The following UBAP2 variants were observed in gnomAD, a reference collection of about 807,000 sequenced individuals.
UBAP2 encodes ubiquitin associated protein 2.
UBAP2 carries 75 observed loss-of-function variants against 139.6 expected under a neutral mutation model. The observed-to-expected ratio is 0.54, with a 90% CI of 0.45 to 0.65. UBAP2 has a LOEUF of 0.65. Ranked by LOEUF, UBAP2 falls within the 30% of genes least tolerant of loss-of-function variation. The probability of loss-of-function intolerance (pLI) is 0.00; values close to 1 mark genes in which losing one functional copy is unlikely to be tolerated. For missense variants in UBAP2, 1,368 were observed against 1,369.6 expected (o/e 1.00, Z 0.02); for synonymous variants, 526 against 526.2 (o/e 1.00, Z 0.01).
intron 4 of UBAP2, among the ~76,000 whole-genome samples, chr9:33,994,210 A>G (rs1351873104): frequency 6.6e-6 from 1 of 152,092 alleles, no homozygotes; most frequent in Non-Finnish European, 1.5e-5. Flanking sequence ...ACTTTCTAAT[A>G]CATAGCCCAG....
chr9:33,930,496 T>C (rs1373380043), intron 19 of UBAP2, among the ~76,000 whole-genome samples: 2 of 151,626 alleles, frequency 1.3e-5, no homozygotes, highest in Non-Finnish European at 2.9e-5. Context: ...AGTTTCAACA[T>C]GGAAACATCA....
At chr9:33,942,730 A>G (rs1430608608) in intron 15 of UBAP2, among the ~76,000 whole-genome samples, 2 of 142,428 alleles carry the variant, frequency 1.4e-5, no homozygotes, top group African/African-American at 5.0e-5. Flanking sequence ...CCTATCTCAA[A>G]AAAAAAAAAA....
intron 7 of UBAP2, 104 bp from the exon 8 acceptor site, chr9:33,971,858 A>C (rs1587588853): frequency 5.0e-5 from 34 of 682,696 alleles, no homozygotes; most frequent in East Asian, 2.6e-5. Flanking sequence ...GTGCCTTCTC[A>C]CAGCCACTGT....
At chr9:33,926,560 G>A (rs780605148) in intron 22 of UBAP2, 57 bp downstream of exon 22, 2 of 1,593,360 alleles carry the variant, frequency 1.3e-6, no homozygotes, top group Non-Finnish European at 1.7e-6. Flanking sequence ...ACCATAAGAG[G>A]GGGGACATGT....
intron 1 of UBAP2, among the ~76,000 whole-genome samples, chr9:34,040,281 G>T (rs1196953200): frequency 7.8e-6 from 1 of 127,586 alleles, no homozygotes; most frequent in African/African-American, 3.0e-5. Flanking sequence ...CCGAGCCCAC[G>T]CCATTGCACT....
chr9:33,946,937 G>A (rs1825696341), intron 13 of UBAP2, among the ~76,000 whole-genome samples: 1 of 152,176 alleles, frequency 6.6e-6, no homozygotes, highest in South Asian at 2.1e-4. Context: ...GCTAATGTCT[G>A]AGAATTTGGA....
chr9:33,974,343 C>CA (rs754436529), intron 6 of UBAP2, among the ~76,000 whole-genome samples: 41 of 151,972 alleles, frequency 2.7e-4, no homozygotes, highest in Non-Finnish European at 3.8e-4. Context: ...CTTGTCTCTA[C>CA]AAAAAATACA....
At chr9:33,992,658 A>AG (rs35197118) in intron 4 of UBAP2, among the ~76,000 whole-genome samples, 2,522 of 41,886 alleles carry the variant, frequency 0.06, 56 homozygotes, top group African/African-American at 0.11. Context: ...TATCGGGCGG[A>AG]GGGGGGGGGG....
At chr9:33,931,953 C>T (rs943688828) in intron 19 of UBAP2, among the ~76,000 whole-genome samples, 1 of 152,050 alleles carries the variant, frequency 6.6e-6, no homozygotes, top group Admixed American at 6.6e-5. Flanking sequence ...ATTGCATGCC[C>T]TCTACAATCC....
chr9:33,978,014 T>TC (rs2131085040), intron 6 of UBAP2, among the ~76,000 whole-genome samples: 1 of 139,398 alleles, frequency 7.2e-6, no homozygotes, highest in East Asian at 2.6e-4. Flanking sequence ...GACTCTGTCT[T>TC]TTAAAAAAAA....
chr9:33,937,325 C>A (rs1824641714), intron 16 of UBAP2, among the ~76,000 whole-genome samples: 3 of 151,810 alleles, frequency 2.0e-5, no homozygotes, highest in African/African-American at 7.3e-5. Flanking sequence ...ATCAAGTTGA[C>A]AGGGGATGCA....
rs539943607 is a variant in UBAP2 at position 33,931,081 on chromosome 9, A to C, written c.2175+1481T>G. On this transcript the variant is annotated intron_variant, in intron 19 of 28. Coordinates refer to ENST00000379238, the MANE Select transcript of UBAP2 (RefSeq NM_001370062.2). ...ACTTTTCAGATGAAATATTATGAAC[A>C]AACAGTTGACCCCTGAACAACACAG... Among the ~76,000 whole-genome samples the C allele has an allele frequency of 6.6e-5, 10 of 152,322 alleles. 1 individual carries two copies. In the South Asian group the frequency reaches 2.1e-3, roughly 32 times the overall value.
intron 11 of UBAP2, among the ~76,000 whole-genome samples, chr9:33,954,891 T>A (rs59697665): frequency 0.012 from 1,776 of 152,328 alleles, 33 homozygotes; most frequent in African/African-American, 0.04. Flanking sequence ...CCTTCATTTC[T>A]AAGGTATCAT....
At chr9:33,980,216 A>ATTT (rs1554686508) in intron 6 of UBAP2, among the ~76,000 whole-genome samples, 11 of 77,314 alleles carry the variant, frequency 1.4e-4, no homozygotes, top group East Asian at 4.9e-4. Context: ...CCTGAGTGTC[A>ATTT]TTTCTTTTTT....
chr9:33,943,981 C>A (rs1362713957), intron 14 of UBAP2, among the ~76,000 whole-genome samples: 2 of 151,948 alleles, frequency 1.3e-5, no homozygotes. Flanking sequence ...AAGAGCAATG[C>A]GGGGGAGTTG....
At chr9:33,932,379 A>T (rs1587512869) in intron 19 of UBAP2, among the ~76,000 whole-genome samples, 183 bp downstream of exon 19, 1 of 152,332 alleles carries the variant, frequency 6.6e-6, no homozygotes, top group Non-Finnish European at 1.5e-5. Flanking sequence ...TTAGAAAGCA[A>T]GATGTCCCCA....
At chr9:33,926,837 C>G in intron 21 of UBAP2, 152 bp downstream of exon 21, 1 of 958,922 alleles carries the variant, frequency 1.0e-6, no homozygotes, top group Non-Finnish European at 1.6e-6. Flanking sequence ...TGGAAGAAGA[C>G]CACCAGGGCT....
intron 2 of UBAP2, among the ~76,000 whole-genome samples, chr9:34,006,203 C>G (rs746083862): frequency 1.1e-3 from 161 of 149,786 alleles, no homozygotes; most frequent in Middle Eastern, 3.5e-3. Flanking sequence ...CATTGCACTC[C>G]AGCCTGGGAG....
intron 1 of UBAP2, among the ~76,000 whole-genome samples, chr9:34,033,158 T>C (rs978219517): frequency 6.6e-6 from 1 of 152,274 alleles, no homozygotes; most frequent in Admixed American, 6.6e-5. Flanking sequence ...TGAAGAAATA[T>C]CTGCATTCCT....
Sources: allele counts gnomAD v4.1 joint callset (sites outside exome capture counted in the v4.1 genomes callset), GRCh38; gene constraint gnomAD v4.1.1; transcripts MANE v1.5; gene names NCBI Gene and HGNC (gene_info 2026-07-23, HGNC 2026-07-21).